CYB5R4: variants seen among roughly 807,000 people sequenced by gnomAD.
CYB5R4 encodes the protein cytochrome b5 reductase 4, also known as N-terminal cytochrome b5 and cytochrome b5 oxidoreductase domain-containing protein.
In CYB5R4, 55 loss-of-function variants were observed where a neutral mutation model predicts 70.2. The observed-to-expected ratio is 0.78, with a 90% CI of 0.63 to 0.98. The LOEUF is 0.98. CYB5R4 is among the 50% of genes least tolerant of loss of function. The pLI is 0.00. For synonymous variants in CYB5R4, 197 were observed against 199.5 expected, an observed-to-expected ratio of 0.99 and a Z score of 0.11; for missense variants, 562 against 612.6, an observed-to-expected ratio of 0.92 and a Z score of 0.87.
intron 5 of CYB5R4, among the ~76,000 whole-genome samples, chr6:83,915,897 T>C (rs181670312): frequency 6.6e-6 from 1 of 152,322 alleles, no homozygotes; most frequent in East Asian, 1.9e-4. Context: ...TCCCTTCAAA[T>C]TGACGACATT....
chr6:83,964,815 T>C lies in CYB5R4; in HGVS notation c.*4937T>C, dbSNP rs1335113881. 1.3e-5 allele frequency: 2 copies of C among 152,180 alleles called. No homozygotes were observed. The highest frequency in any genetic ancestry group is 4.8e-5 in the African/African-American group (2 of 41,416). 9.4% of individuals were successfully genotyped at this position (152,180 alleles called of 1,614,324 possible). ...TTGTGGGCAAGGCCTAGGGTCCTTGTGCTGTGTGCAGTCTAAGGACTTGGT... is the reference window on the plus strand; with the variant it reads ...TTGTGGGCAAGGCCTAGGGTCCTTGCGCTGTGTGCAGTCTAAGGACTTGGT... On this transcript the variant is annotated 3_prime_UTR_variant, in exon 16 of 16. Coordinates refer to ENST00000369681, the MANE Select transcript of CYB5R4 (RefSeq NM_016230.4).
intron 3 of CYB5R4, among the ~76,000 whole-genome samples, chr6:83,895,112 G>A (rs574295147): frequency 1.7e-4 from 26 of 152,118 alleles, no homozygotes; most frequent in Admixed American, 6.5e-4. Flanking sequence ...GCTGTTTTAA[G>A]GCAAGTTCCC....
At chr6:83,945,284 A>G (rs571155186) in intron 14 of CYB5R4, among the ~76,000 whole-genome samples, 1 of 152,374 alleles carries the variant, frequency 6.6e-6, no homozygotes, top group Admixed American at 6.5e-5. Flanking sequence ...AAACCGCACA[A>G]CTACGTGGAA....
At chr6:83,942,927 G>A (rs2129143592) in intron 14 of CYB5R4, among the ~76,000 whole-genome samples, 1 of 152,250 alleles carries the variant, frequency 6.6e-6, no homozygotes, top group South Asian at 2.1e-4. Context: ...CCTCCTCTCT[G>A]CAGGGCACCT....
chr6:83,934,347 G>A (rs1231229895), intron 10 of CYB5R4, among the ~76,000 whole-genome samples: 1 of 151,808 alleles, frequency 6.6e-6, no homozygotes, highest in Non-Finnish European at 1.5e-5. Flanking sequence ...CAGATATGAG[G>A]AAATAACACT....
At position 83,963,198 on chromosome 6, in the gene CYB5R4, C is replaced by T. The variant is rs1312226951; in HGVS notation, c.*3320C>T. 3 of 152,114 alleles carry T rather than the reference C, an allele frequency of 2.0e-5. No homozygotes were observed. Among genetic ancestry groups the T allele is most frequent in the African/African-American group, 7.3e-5 (3 of 41,378 alleles). 9.4% of individuals were successfully genotyped at this position (152,114 alleles called of 1,614,324 possible). A position where few individuals can be genotyped will look rare whatever the true frequency, so the allele number is the denominator to read the frequency against. On this transcript the variant is annotated 3_prime_UTR_variant, in exon 16 of 16. Transcript: ENST00000369681. ...TGTCTACCACAGGCTATAGAAAGAA[C>T]AGAGAAATTTGTCCAAGATAAGATG...
intron 2 of CYB5R4, among the ~76,000 whole-genome samples, chr6:83,887,365 A>G (rs2099460417): frequency 6.6e-6 from 1 of 152,218 alleles, no homozygotes; most frequent in Non-Finnish European, 1.5e-5. Context: ...AACACAAAGT[A>G]CTAAATGGTA....
At position 83,940,547 on chromosome 6, in the gene CYB5R4, A is replaced by C. The variant is rs1020846452; in HGVS notation, c.1292A>C (p.Glu431Ala). The change falls in exon 14 of 16, where the codon GAA (glutamate) becomes GCA (alanine). Residue 431 changes from glutamate to alanine, a missense_variant. Physicochemically the swap from Glu to Ala is moderately radical, Grantham distance 107 (BLOSUM62 -1). Transcript: ENST00000369681. ...AAGCTGATGTTCTTCAATAAAACAG[A>C]AGATGATATAATTTGGAGAAGCCAA... ...KVKLMFFNKT[E>A]DDIIWRSQLE... 6.9e-6 allele frequency: 11 copies of C among 1,597,398 alleles called. No homozygotes were observed. The highest frequency in any genetic ancestry group is 9.4e-6 in the Non-Finnish European group (11 of 1,175,378).
At chr6:83,955,728 G>C (rs550751111) in intron 15 of CYB5R4, among the ~76,000 whole-genome samples, 1 of 152,188 alleles carries the variant, frequency 6.6e-6, no homozygotes, top group Non-Finnish European at 1.5e-5. Context: ...ACACTCACAA[G>C]ATTGGTGCCA....
chr6:83,878,785 G>C (rs2099458989), intron 2 of CYB5R4, among the ~76,000 whole-genome samples: 1 of 152,022 alleles, frequency 6.6e-6, no homozygotes, highest in Non-Finnish European at 1.5e-5. Flanking sequence ...AAGTAGTTGA[G>C]CTAGATTTGG....
chr6:83,900,704 C>T (rs988903941), intron 3 of CYB5R4, among the ~76,000 whole-genome samples: 1 of 152,096 alleles, frequency 6.6e-6, no homozygotes, highest in Admixed American at 6.6e-5. Flanking sequence ...TTGAATTGAT[C>T]CCTTTACCAT....
intron 15 of CYB5R4, 148 bp from the exon 16 acceptor site, chr6:83,959,676 A>G: frequency 1.6e-6 from 1 of 632,756 alleles, no homozygotes; most frequent in African/African-American, 1.9e-5. Flanking sequence ...TAATTTTTTA[A>G]GAGGTGATAG....
chr6:83,910,177 G>T, intron 4 of CYB5R4: 1 of 1,562,480 alleles, frequency 6.4e-7, no homozygotes, highest in East Asian at 2.3e-5. Flanking sequence ...CTGTGAGCAA[G>T]GACAAGACAT....
chr6:83,931,804 T>TATA (rs56378960), intron 10 of CYB5R4, among the ~76,000 whole-genome samples: 2,454 of 135,068 alleles, frequency 0.018, 61 homozygotes, highest in African/African-American at 0.062. Context: ...TATATATATA[T>TATA]TTTTTTTTTA....
At chr6:83,902,580 G>A (rs1191384650) in intron 3 of CYB5R4, among the ~76,000 whole-genome samples, 1 of 152,028 alleles carries the variant, frequency 6.6e-6, no homozygotes, top group Non-Finnish European at 1.5e-5. Context: ...TTTTGATAAG[G>A]ATTGCATTGA....
At chr6:83,936,623 TC>T (rs1218705684) in intron 12 of CYB5R4, among the ~76,000 whole-genome samples, 1 of 152,210 alleles carries the variant, frequency 6.6e-6, no homozygotes, top group Non-Finnish European at 1.5e-5. Flanking sequence ...TCCCACTTTC[TC>T]TTTCCCAGTC....
chr6:83,959,171 A>G (rs1037759223), intron 15 of CYB5R4, among the ~76,000 whole-genome samples: 1 of 152,196 alleles, frequency 6.6e-6, no homozygotes, highest in Non-Finnish European at 1.5e-5. Context: ...TAGAAGTAGA[A>G]TATCACCAAT....
Position 83,864,346 on chromosome 6 carries a change from A to G in CYB5R4, c.229+18A>G, listed in dbSNP as rs754926949. The G allele has an allele frequency of 6.3e-7, 1 of 1,593,974 alleles. No homozygotes were observed. The highest frequency in any genetic ancestry group is 2.2e-5 in the East Asian group (1 of 44,486). The stretch of plus-strand genomic sequence containing the variant: ...CATAAGAGGTAGGTGGTATTTATTA[A>G]GTCCTTCAAAAAATGTTGCCTGAAC... On this transcript the variant is annotated intron_variant, in intron 2 of 15. Coordinates refer to ENST00000369681, the MANE Select transcript of CYB5R4 (RefSeq NM_016230.4).
chr6:83,940,683 T>C (rs758665009), intron 14 of CYB5R4, 82 bp downstream of exon 14: 27 of 1,462,828 alleles, frequency 1.8e-5, no homozygotes, highest in Non-Finnish European at 2.3e-5. Context: ...GGTTGAAGCT[T>C]TGATTGTCCA....
Sources: allele counts gnomAD v4.1 joint callset (sites outside exome capture counted in the v4.1 genomes callset), GRCh38; gene constraint gnomAD v4.1.1; transcripts MANE v1.5; gene names NCBI Gene and HGNC (gene_info 2026-07-23, HGNC 2026-07-21).